TBC1D15: variants seen among roughly 807,000 people sequenced by gnomAD.
TBC1D15 encodes the protein GAP for RAB7.
In TBC1D15, 39 loss-of-function variants were observed where a neutral mutation model predicts 95.4. The ratio of observed to expected loss-of-function variants is 0.41; its 90% confidence interval spans 0.32 to 0.53. The LOEUF is 0.53. Ranked by LOEUF, TBC1D15 falls within the 20% of genes least tolerant of loss-of-function variation. The pLI, the probability that TBC1D15 is intolerant of heterozygous loss-of-function variation, is 0.29. For missense variants in TBC1D15, 733 were observed against 794.3 expected (o/e 0.92, Z 0.93); for synonymous variants, 258 against 261.3 (o/e 0.99, Z 0.12).
intron 8 of TBC1D15, 102 bp from the exon 9 acceptor site, chr12:71,896,575 C>A: frequency 1.1e-6 from 1 of 906,356 alleles, no homozygotes; most frequent in Non-Finnish European, 1.7e-6. Context: ...ATATATGAAA[C>A]TACCTCTTAA....
intron 10 of TBC1D15, among the ~76,000 whole-genome samples, chr12:71,905,350 G>A (rs1486954428): frequency 2.0e-5 from 3 of 152,028 alleles, no homozygotes; most frequent in African/African-American, 7.2e-5. Context: ...TTTTGAGTCG[G>A]GGTCTCACTG....
chr12:71,902,941 C>G (rs908686204), intron 10 of TBC1D15, among the ~76,000 whole-genome samples: 3 of 152,106 alleles, frequency 2.0e-5, no homozygotes, highest in Admixed American at 6.5e-5. Context: ...GAGACGGAGT[C>G]TCGCTCTGTT....
At chr12:71,875,867 G>T (rs1893699864) in intron 3 of TBC1D15, among the ~76,000 whole-genome samples, 1 of 151,536 alleles carries the variant, frequency 6.6e-6, no homozygotes, top group African/African-American at 2.4e-5. Flanking sequence ...GCATGATCTC[G>T]GCTCACTGAA....
chr12:71,912,736 CTTTGG>C (rs1902700958), intron 11 of TBC1D15, among the ~76,000 whole-genome samples: 1 of 151,990 alleles, frequency 6.6e-6, no homozygotes, highest in Non-Finnish European at 1.5e-5. Flanking sequence ...AAAATGTAAA[CTTTGG>C]ATTCGCAAAT....
chr12:71,877,881 C>T lies in TBC1D15; in HGVS notation c.205-2588C>T, dbSNP rs188061721. Reference sequence around the variant, plus strand: ...TTTGAACTCTGTTTTCTGTAGATAACTTGTCTTTGATGTTTGTTGCTTATG... The same window carrying T: ...TTTGAACTCTGTTTTCTGTAGATAATTTGTCTTTGATGTTTGTTGCTTATG... On this transcript the variant is annotated intron_variant, in intron 3 of 16. Transcript: ENST00000485960. 7.9e-5 allele frequency among the ~76,000 whole-genome samples: 12 copies of T among 152,234 alleles called. No homozygotes were observed. In the East Asian group the frequency reaches 2.3e-3, roughly 29 times the overall value.
At chr12:71,847,555 T>A (rs1886622814) in intron 1 of TBC1D15, among the ~76,000 whole-genome samples, 1 of 150,834 alleles carries the variant, frequency 6.6e-6, no homozygotes, top group African/African-American at 2.4e-5. Flanking sequence ...ATTAGCTGGG[T>A]GTGGTGGTAT....
chr12:71,879,237 A>C (rs927595096), intron 3 of TBC1D15, among the ~76,000 whole-genome samples: 1 of 151,466 alleles, frequency 6.6e-6, no homozygotes, highest in African/African-American at 2.4e-5. Context: ...GGTTCAAGCT[A>C]TTCTCCTGCC....
chr12:71,839,911 T>TGGC, intron 1 of TBC1D15, 100 bp downstream of exon 1: 1 of 1,463,554 alleles, frequency 6.8e-7, no homozygotes, highest in South Asian at 1.2e-5. Context: ...GGACTTTCTG[T>TGGC]GTCCGGACAA....
rs767538510 is a variant in TBC1D15 at position 71,895,928 on chromosome 12, T to C, written c.856-19T>C. On this transcript the variant is annotated intron_variant, in intron 7 of 16. Transcript: ENST00000485960. The stretch of plus-strand genomic sequence containing the variant: ...CACTGGTTAAATATGTACTTATTAT[T>C]GCTTAATCTTATTTTTAGATTGATT... The C allele has an allele frequency of 1.9e-6, 3 of 1,608,018 alleles. No homozygotes were observed. The African/African-American group carries it at 4.0e-5, about 22-fold the overall frequency.
chr12:71,873,320 GT>G lies in TBC1D15; in HGVS notation c.204+326del, dbSNP rs969890102. Among the ~76,000 whole-genome samples, 10 of 150,820 alleles carry G rather than the reference GT, an allele frequency of 6.6e-5. 1 individual carries two copies. Among genetic ancestry groups the G allele is most frequent in the African/African-American group, 1.2e-4 (5 of 41,154 alleles). On this transcript the variant is annotated intron_variant, in intron 3 of 16. Coordinates refer to ENST00000485960, the MANE Select transcript of TBC1D15 (RefSeq NM_001146213.3). ...AAATGGAGTCATGTAATAATGTAGT[GT>G]TTTTTTTTGTGACTGGCTTCGTTCA... is the stretch of plus-strand genomic sequence containing the variant.
intron 1 of TBC1D15, among the ~76,000 whole-genome samples, chr12:71,840,028 C>T (rs1884517290): frequency 6.6e-6 from 1 of 152,156 alleles, no homozygotes; most frequent in African/African-American, 2.4e-5. Context: ...GCCAGCTAGG[C>T]CTCGGCGCTC....
intron 1 of TBC1D15, among the ~76,000 whole-genome samples, chr12:71,851,759 AGGGGT>A (rs1887879743): frequency 6.6e-6 from 1 of 152,050 alleles, no homozygotes; most frequent in Admixed American, 6.6e-5. Flanking sequence ...CACTGATGCA[AGGGGT>A]GGGCACCCAA....
At chr12:71,911,215 C>T (rs904059164) in intron 11 of TBC1D15, among the ~76,000 whole-genome samples, 7 of 152,132 alleles carry the variant, frequency 4.6e-5, no homozygotes, top group South Asian at 2.1e-4. Flanking sequence ...GTCAGTGTGG[C>T]GATTCCTCAG....
rs1870076941 is a variant in TBC1D15, at chr12:71,923,123, ACT to A, written c.1949_1950del (p.Ser650CysfsTer7). 1.2e-6 allele frequency: 2 copies of A among 1,614,102 alleles called. No homozygotes were observed. The highest frequency in any genetic ancestry group is 1.7e-6 in the Non-Finnish European group (2 of 1,180,000). Reference sequence around the variant, plus strand: ...CATTTCAAAGTAATGCCTTGCCTACACTCTCTGCCAGTGGAGCCAGAAATGAC... The same window carrying A: ...CATTTCAAAGTAATGCCTTGCCTACACTCTGCCAGTGGAGCCAGAAATGAC... The part of the protein sequence containing the change: ...SAFQSNALPT[L>X]SASGARNDSP... On this transcript the variant is annotated frameshift_variant, in exon 17 of 17. Coordinates refer to ENST00000485960, the MANE Select transcript of TBC1D15 (RefSeq NM_001146213.3). LOFTEE classifies it high-confidence loss of function.
intron 10 of TBC1D15, among the ~76,000 whole-genome samples, chr12:71,899,515 T>C (rs1416586398): frequency 6.6e-6 from 1 of 152,194 alleles, no homozygotes; most frequent in Non-Finnish European, 1.5e-5. Flanking sequence ...TTCCCAAATG[T>C]ATTTTGAGAA....
chr12:71,884,062 A>G (rs1369366355), intron 4 of TBC1D15, among the ~76,000 whole-genome samples: 8 of 152,138 alleles, frequency 5.3e-5, no homozygotes. Context: ...TTAATTTAGC[A>G]ATTGAATGTA....
chr12:71,885,676 A>G (rs1411895693), intron 5 of TBC1D15, among the ~76,000 whole-genome samples: 1 of 152,208 alleles, frequency 6.6e-6, no homozygotes, highest in East Asian at 1.9e-4. Context: ...CTGAAGGACT[A>G]AGATGAAGAA....
At chr12:71,882,300 T>G (rs1293446546) in intron 4 of TBC1D15, among the ~76,000 whole-genome samples, 1 of 152,188 alleles carries the variant, frequency 6.6e-6, no homozygotes, top group Non-Finnish European at 1.5e-5. Flanking sequence ...AGTTAAATGT[T>G]TTGGAAATAT....
chr12:71,850,313 T>G (rs1887453462), intron 1 of TBC1D15: 1 of 426,888 alleles, frequency 2.3e-6, no homozygotes, highest in Non-Finnish European at 4.5e-6. Context: ...CTAGAGTGGT[T>G]TGAAAGACAT....
Sources: gnomAD v4.1 joint callset for allele counts (sites outside exome capture counted in the v4.1 genomes callset) on GRCh38, gnomAD v4.1.1 for gene constraint, MANE v1.5 for transcripts, NCBI Gene and HGNC (gene_info 2026-07-23, HGNC 2026-07-21) for gene names.